DIAPH3: variants seen among roughly 807,000 people sequenced by gnomAD.
The protein encoded by DIAPH3 is diaphanous related formin 3.
Under a neutral mutation model 144.3 loss-of-function variants are expected in DIAPH3, and 117 were observed. The ratio of observed to expected loss-of-function variants is 0.81; its 90% CI spans 0.70 to 0.95. DIAPH3 has a LOEUF of 0.95. DIAPH3 is among the 40% of genes least tolerant of loss of function. The pLI, the probability that DIAPH3 is intolerant of heterozygous loss-of-function variation, is 0.00. For synonymous variants in DIAPH3, 519 were observed against 488.9 expected (o/e 1.06, Z -0.81); for missense variants, 1,421 against 1,412.7 (o/e 1.01, Z -0.09).
intron 2 of DIAPH3, among the ~76,000 whole-genome samples, chr13:60,116,813 T>C (rs2138107504): frequency 6.6e-6 from 1 of 152,132 alleles, no homozygotes. Context: ...AAACCAAAAC[T>C]TTTTTTAAAA....
intron 4 of DIAPH3, among the ~76,000 whole-genome samples, chr13:60,061,534 A>AT (rs1007229743): frequency 9.4e-5 from 13 of 138,638 alleles, no homozygotes; most frequent in African/African-American, 3.2e-4. Context: ...CTACCATAAC[A>AT]TTTAAAAAAA....
chr13:59,825,004 T>A (rs1337807363), intron 24 of DIAPH3, among the ~76,000 whole-genome samples: 1 of 149,358 alleles, frequency 6.7e-6, no homozygotes. Flanking sequence ...CAGCTACATA[T>A]GTCTAACTAA....
chr13:60,069,405 AT>A (rs1210504470), intron 4 of DIAPH3, among the ~76,000 whole-genome samples: 1 of 151,780 alleles, frequency 6.6e-6, no homozygotes, highest in Non-Finnish European at 1.5e-5. Context: ...GTTTGCAAAT[AT>A]TTTCTCTCAT....
chr13:59,920,040 T>C (rs188284277), intron 18 of DIAPH3, among the ~76,000 whole-genome samples: 3 of 151,966 alleles, frequency 2.0e-5, no homozygotes, highest in Non-Finnish European at 4.4e-5. Context: ...CAAAAATCTA[T>C]ACTAAATGTA....
rs142262589 is a variant in DIAPH3 at position 59,730,003 on chromosome 13, T to C, written c.3319+44186A>G. On this transcript the variant is annotated intron_variant, in intron 27 of 27. Transcript: ENST00000400324. Reference sequence around the variant, plus strand: ...TGGATCACAGAATTAAGTATAGGTCTAAAAAAATGAGAGGACAACAGTTTA... The same window carrying C: ...TGGATCACAGAATTAAGTATAGGTCCAAAAAAATGAGAGGACAACAGTTTA... Among the ~76,000 whole-genome samples the C allele has an allele frequency of 5.1e-3, 770 of 151,934 alleles. 3 individuals carry two copies. The highest frequency in any genetic ancestry group is 0.031 in the South Asian group (151 of 4,802).
rs984681917 is a variant in DIAPH3, at chr13:59,980,826, A to G, written c.1514T>C (p.Phe505Ser). ...ICIDQAKLEE[F>S]EEKASELYKK... ...GTAAAGTTCTGATGCTTTCTCTTCAAACTCTTCTAGTTTTGCTTGATCTAT... is the reference window on the plus strand; with the variant it reads ...GTAAAGTTCTGATGCTTTCTCTTCAGACTCTTCTAGTTTTGCTTGATCTAT... The change falls in exon 14 of 28, where the codon TTT becomes TCT. Residue 505 changes from phenylalanine to serine, a missense_variant. Transcript: ENST00000400324. The G allele has an allele frequency of 1.9e-5, 31 of 1,609,624 alleles. No individual in the cohort carries two copies. The highest frequency in any genetic ancestry group is 2.5e-5 in the Non-Finnish European group (30 of 1,177,296).
At chr13:60,097,514 T>C (rs1055785252) in intron 3 of DIAPH3, among the ~76,000 whole-genome samples, 26 of 152,338 alleles carry the variant, frequency 1.7e-4, no homozygotes, top group African/African-American at 6.3e-4. Context: ...CAAAAGCAGA[T>C]GCTGGTCCCA....
At chr13:59,948,953 A>G (rs2048954120) in intron 17 of DIAPH3, among the ~76,000 whole-genome samples, 1 of 152,176 alleles carries the variant, frequency 6.6e-6, no homozygotes, top group Non-Finnish European at 1.5e-5. Context: ...GATCTTATAC[A>G]TGATTCATTA....
At chr13:60,087,590 G>T (rs1267426500) in intron 4 of DIAPH3, among the ~76,000 whole-genome samples, 1 of 152,032 alleles carries the variant, frequency 6.6e-6, no homozygotes, top group African/African-American at 2.4e-5. Context: ...CATTTAAAAA[G>T]TCTGAGGAAG....
At chr13:59,805,181 T>A (rs2040129780) in intron 25 of DIAPH3, among the ~76,000 whole-genome samples, 1 of 152,066 alleles carries the variant, frequency 6.6e-6, no homozygotes, top group Non-Finnish European at 1.5e-5. Flanking sequence ...TAAGCTCTTA[T>A]TTACTTCCCC....
At chr13:59,988,169 G>C (rs914702984) in intron 12 of DIAPH3, among the ~76,000 whole-genome samples, 4 of 151,790 alleles carry the variant, frequency 2.6e-5, no homozygotes, top group Admixed American at 6.6e-5. Flanking sequence ...GAGTGAAAAT[G>C]TTTAAGAAAC....
chr13:60,156,556 G>A (rs1300401107), intron 1 of DIAPH3, among the ~76,000 whole-genome samples: 5 of 151,952 alleles, frequency 3.3e-5, no homozygotes, highest in Non-Finnish European at 5.9e-5. Flanking sequence ...GGCTTGGTGT[G>A]GTGTCAACTC....
intron 24 of DIAPH3, among the ~76,000 whole-genome samples, chr13:59,832,211 G>A (rs1384567718): frequency 1.3e-5 from 2 of 151,782 alleles, no homozygotes; most frequent in East Asian, 3.9e-4. Flanking sequence ...AAATAAATTA[G>A]AACTGTGACC....
intron 20 of DIAPH3, among the ~76,000 whole-genome samples, chr13:59,882,758 T>C (rs912361447): frequency 2.6e-5 from 4 of 152,206 alleles, no homozygotes; most frequent in Non-Finnish European, 5.9e-5. Context: ...TTTTTACAGT[T>C]ATCCTTTAAA....
At chr13:59,872,041 G>C (rs2044312161) in intron 21 of DIAPH3, among the ~76,000 whole-genome samples, 1 of 152,044 alleles carries the variant, frequency 6.6e-6, no homozygotes, top group Admixed American at 6.6e-5. Flanking sequence ...TGGTGGGTTT[G>C]ATTTTCTCTA....
intron 17 of DIAPH3, among the ~76,000 whole-genome samples, chr13:59,950,840 ATT>A (rs1379364782): frequency 3.9e-5 from 6 of 152,228 alleles, no homozygotes; most frequent in African/African-American, 7.2e-5. Flanking sequence ...ATATATATAT[ATT>A]GTTATTTACT....
At chr13:59,860,749 A>AAAAAAG (rs545968534) in intron 22 of DIAPH3, among the ~76,000 whole-genome samples, 5 of 152,142 alleles carry the variant, frequency 3.3e-5, no homozygotes, top group Non-Finnish European at 5.9e-5. Context: ...AAAAAAGGAA[A>AAAAAAG]AAAAAGAAAA....
chr13:60,057,178 T>C (rs912331281), intron 4 of DIAPH3, among the ~76,000 whole-genome samples: 1 of 151,744 alleles, frequency 6.6e-6, no homozygotes, highest in Non-Finnish European at 1.5e-5. Context: ...GACTCCTAGA[T>C]CTAATCAATG....
chr13:59,922,885 A>G (rs2047583467), intron 18 of DIAPH3, among the ~76,000 whole-genome samples: 1 of 152,144 alleles, frequency 6.6e-6, no homozygotes, highest in Non-Finnish European at 1.5e-5. Flanking sequence ...AAAGGAACAG[A>G]TATACATTAA....
Sources: allele counts gnomAD v4.1 joint callset (sites outside exome capture counted in the v4.1 genomes callset), GRCh38; gene constraint gnomAD v4.1.1; transcripts MANE v1.5; gene names NCBI Gene and HGNC (gene_info 2026-07-23, HGNC 2026-07-21).